The following RNASEL variants were observed in gnomAD, a reference collection of about 807,000 sequenced individuals.
The protein encoded by RNASEL is ribonuclease L.
RNASEL carries 36 observed loss-of-function variants against 50.9 expected under a neutral mutation model. The ratio of observed to expected loss-of-function variants is 0.71; its 90% confidence interval spans 0.54 to 0.93. RNASEL has a LOEUF of 0.93. Ranked by LOEUF, RNASEL falls within the 40% of genes least tolerant of loss-of-function variation. The pLI, the probability that RNASEL is intolerant of heterozygous loss-of-function variation, is 0.00. For synonymous variants in RNASEL, 335 were observed against 335.6 expected (o/e 1.00, Z 0.02); for missense variants, 860 against 894.5 (o/e 0.96, Z 0.49).
Position 182,586,286 on chromosome 1 carries a change from TC to T in RNASEL, c.520del (p.Asp174ThrfsTer8). On this transcript the variant is annotated frameshift_variant, in exon 2 of 7. Transcript: ENST00000367559. LOFTEE classifies it high-confidence loss of function. ...CTCTACGTGTCCTTTTTCAGCAGCG[TC>T]CATGAGAGCTGTGGCCCCTCCTTTC... ...LRKGGATALM[D>X]AAEKGHVEVL... The T allele has an allele frequency of 6.2e-7, 1 of 1,614,182 alleles. No individual in the cohort carries two copies. Among genetic ancestry groups the T allele is most frequent in the Non-Finnish European group, 8.5e-7 (1 of 1,180,024 alleles).
chr1:182,576,685 A>G (rs1571262716), intron 5 of RNASEL: 2 of 240,200 alleles, frequency 8.3e-6, no homozygotes, highest in Non-Finnish European at 1.6e-5. Context: ...TGGCCAACAC[A>G]GTGAAACCTC....
intron 5 of RNASEL, chr1:182,576,652 A>G: frequency 3.0e-6 from 1 of 335,952 alleles, no homozygotes; most frequent in East Asian, 6.4e-5. Context: ...GGATCACCTG[A>G]GGTCAGGAGA....
rs758238488 is a variant in RNASEL, at chr1:182,576,373, A to T, written c.1922T>A (p.Met641Lys). ...KWTTKINECV[M>K]KKMNKFYEKR... ...TTCATAAAACTTATTCATTTTTTTC[A>T]TAACACATTCATTAATCTAAAAAAA... The change falls in exon 6 of 7, where the codon ATG becomes AAG. Residue 641 changes from methionine (M) to lysine (K), a missense_variant. Met to Lys is a moderately conservative substitution (Grantham distance 95). Coordinates refer to ENST00000367559, the MANE Select transcript of RNASEL (RefSeq NM_021133.4). 1 of 1,582,136 alleles carries T rather than the reference A, an allele frequency of 6.3e-7. No individual in the cohort carries two copies. Among genetic ancestry groups the T allele is most frequent in the Non-Finnish European group, 8.7e-7 (1 of 1,153,022 alleles).
rs748580332 is a variant in RNASEL at position 182,586,082 on chromosome 1, G to C, written c.725C>G (p.Pro242Arg). 1 of 1,614,064 alleles carries C rather than the reference G, an allele frequency of 6.2e-7. No individual in the cohort carries two copies. The highest frequency in any genetic ancestry group is 1.1e-5 in the South Asian group (1 of 91,078). ...CTTCTTCTCCACTGCCAGGATCAGG[G>C]GAGTCTTCCCTCTTTCTCCCCTCAC... ...VNVRGERGKT[P>R]LILAVEKKHL... Residue 242 changes from proline to arginine, a missense_variant, in exon 2 of 7, where the codon CCC becomes CGC. Transcript: ENST00000367559.
At chr1:182,577,419 C>T (rs1357879129) in intron 5 of RNASEL, among the ~76,000 whole-genome samples, 3 of 152,232 alleles carry the variant, frequency 2.0e-5, no homozygotes, top group African/African-American at 4.8e-5. Flanking sequence ...GATTACATGT[C>T]TTTCTTTAAA....
Position 182,586,224 on chromosome 1 carries a change from C to T in RNASEL, c.583G>A (p.Val195Ile), listed in dbSNP as rs146781980. Residue 195 changes from valine to isoleucine, a missense_variant, in exon 2 of 7, where the codon GTA becomes ATA. Transcript: ENST00000367559. ...KILLDEMGAD[V>I]NACDNMGRNA... The stretch of plus-strand genomic sequence containing the variant: ...CTGCCCATATTGTCACAGGCGTTTA[C>T]ATCTGCCCCCATCTCATCAAGGAGA... The T allele has an allele frequency of 4.3e-6, 7 of 1,614,090 alleles. No homozygotes were observed. In the African/African-American group the frequency reaches 8.0e-5, roughly 18 times the overall value.
chr1:182,578,187 CA>C (rs1371635073), intron 5 of RNASEL: 1 of 152,044 alleles, frequency 6.6e-6, no homozygotes, highest in Non-Finnish European at 1.5e-5. Flanking sequence ...ACAGAGTGAA[CA>C]AACAACCTGC....
rs2102371405 is a variant in RNASEL at position 182,586,182 on chromosome 1, C to A, written c.625G>T (p.Ala209Ser). Reference sequence around the variant, plus strand: ...TCACTATCGTCAGAGCTCAGGAGAGCATGGATCAAGGCATTTCTGCCCATA... The same window carrying A: ...TCACTATCGTCAGAGCTCAGGAGAGAATGGATCAAGGCATTTCTGCCCATA... ...DNMGRNALIHALLSSDDSDVE... is the reference protein window; with the variant it reads ...DNMGRNALIHSLLSSDDSDVE... Residue 209 changes from alanine to serine, a missense_variant, in exon 2 of 7, where the codon GCT becomes TCT. Transcript: ENST00000367559. The A allele has an allele frequency of 1.2e-6, 2 of 1,614,200 alleles. No homozygotes were observed. The highest frequency in any genetic ancestry group is 1.7e-5 in the Admixed American group (1 of 60,028).
rs141618463 is a variant in RNASEL, at chr1:182,579,355, T to A, written c.1905+1870A>T. The A allele has an allele frequency of 9.0e-4, 891 of 989,800 alleles. 5 individuals carry two copies. The African/African-American group carries it at 0.015, about 16-fold the overall frequency. 61.3% of individuals were successfully genotyped at this position (989,800 alleles called of 1,614,324 possible). On this transcript the variant is annotated intron_variant, in intron 5 of 6. Coordinates refer to ENST00000367559, the MANE Select transcript of RNASEL (RefSeq NM_021133.4). ...GATACAGAGCCATAGATGGCTCTCATATTTAGAAAGAGTTTGGGCTACGAG... is the reference window on the plus strand; with the variant it reads ...GATACAGAGCCATAGATGGCTCTCAAATTTAGAAAGAGTTTGGGCTACGAG...
chr1:182,579,126 T>A, intron 5 of RNASEL: 1 of 429,744 alleles, frequency 2.3e-6, no homozygotes. Context: ...ATGGGTACAA[T>A]GTGCGTTATT....
At chr1:182,587,162 C>T (rs1254976542) in intron 1 of RNASEL, among the ~76,000 whole-genome samples, 192 bp from the exon 2 acceptor site, 1 of 151,974 alleles carries the variant, frequency 6.6e-6, no homozygotes. Context: ...TGCCCAGAAA[C>T]AGCCAATGTT....
chr1:182,588,981 G>T (rs767697656), intron 1 of RNASEL, among the ~76,000 whole-genome samples, 186 bp downstream of exon 1: 1 of 152,192 alleles, frequency 6.6e-6, no homozygotes, highest in Non-Finnish European at 1.5e-5. Context: ...GATAAATGAC[G>T]TGTGGACTCT....
rs1011639686 is a variant in RNASEL at position 182,581,473 on chromosome 1, C to CTTTTTTTTTTTTTTTTTTTTTT, written c.1773-138_1773-117dup. On this transcript the variant is annotated intron_variant, in intron 4 of 6. Coordinates refer to ENST00000367559, the MANE Select transcript of RNASEL (RefSeq NM_021133.4). Reference sequence around the variant, plus strand: ...TTTTGTGCTTTCTTGGTTTTTCTTTCTTTTTTTTTTTTTTTTTTTTTTTTT... The same window carrying CTTTTTTTTTTTTTTTTTTTTTT: ...TTTTGTGCTTTCTTGGTTTTTCTTTCTTTTTTTTTTTTTTTTTTTTTTTTTTTTTTTTTTTTTTTTTTTTTTT... 3 of 294,826 alleles carry CTTTTTTTTTTTTTTTTTTTTTT rather than the reference C, an allele frequency of 1.0e-5. 1 individual carries two copies. Among genetic ancestry groups the CTTTTTTTTTTTTTTTTTTTTTT allele is most frequent in the South Asian group, 2.6e-5 (1 of 38,542 alleles). 18.3% of individuals were successfully genotyped at this position (294,826 alleles called of 1,614,324 possible). A position where few individuals can be genotyped will look rare whatever the true frequency, so the allele number is the denominator to read the frequency against.
At chr1:182,583,368 A>C (rs1571267809) in intron 3 of RNASEL, among the ~76,000 whole-genome samples, 1 of 152,306 alleles carries the variant, frequency 6.6e-6, no homozygotes, top group Admixed American at 6.5e-5. Context: ...CCTACAGGGG[A>C]GTCAGGACAG....
chr1:182,576,244 A>G lies in RNASEL; in HGVS notation c.2039+12T>C, dbSNP rs1171405332. On this transcript the variant is annotated intron_variant, in intron 6 of 6. Transcript: ENST00000367559. ...TTCACATATAATTTGTAGGAATGAA[A>G]ACAATACTTACTTTTTATGCTTTTC... 4 of 1,608,582 alleles carry G rather than the reference A, an allele frequency of 2.5e-6. No individual in the cohort carries two copies. The highest frequency in any genetic ancestry group is 3.4e-6 in the Non-Finnish European group (4 of 1,176,866).
Position 182,585,931 on chromosome 1 carries a change from C to T in RNASEL, c.876G>A (p.Leu292=), listed in dbSNP as rs757514124. The T allele has an allele frequency of 9.3e-6, 15 of 1,614,198 alleles. No individual in the cohort carries two copies. The highest frequency in any genetic ancestry group is 1.2e-5 in the Non-Finnish European group (14 of 1,180,020). Residue 292 remains leucine, a synonymous_variant, in exon 2 of 7, where the codon CTG becomes CTA. Transcript: ENST00000367559. ...ELKLKKIAEL[L]CKRGASTDCG... ...AATCTGTACTGGCTCCACGTTTGCA[C>T]AGCAACTCGGCGATTTTCTTCAGTT...
chr1:182,579,667 T>G, intron 5 of RNASEL: 1 of 1,144,552 alleles, frequency 8.7e-7, no homozygotes, highest in Non-Finnish European at 1.1e-6. Context: ...AATTAAAAGG[T>G]AAAACTTGAA....
At chr1:182,577,254 C>T (rs1424781321) in intron 5 of RNASEL, among the ~76,000 whole-genome samples, 2 of 152,000 alleles carry the variant, frequency 1.3e-5, no homozygotes, top group Non-Finnish European at 2.9e-5. Context: ...TAAGTATGTT[C>T]AAATGTGTGT....
At position 182,575,358 on chromosome 1, in the gene RNASEL, TAAG is replaced by T. The variant is rs763393286; in HGVS notation, c.*31_*33del. ...GATTTGCCAAGGACTCTACAGCTAA[TAAG>T]TAGTTCCCTGAACTCCAGCAAATCA... is the stretch of plus-strand genomic sequence containing the variant. On this transcript the variant is annotated 3_prime_UTR_variant, in exon 7 of 7. Coordinates refer to ENST00000367559, the MANE Select transcript of RNASEL (RefSeq NM_021133.4). The T allele has an allele frequency of 3.9e-5, 62 of 1,605,626 alleles. No individual in the cohort carries two copies. The highest frequency in any genetic ancestry group is 8.5e-7 in the Non-Finnish European group (1 of 1,173,100).
Sources: gnomAD v4.1 joint callset for allele counts (sites outside exome capture counted in the v4.1 genomes callset) on GRCh38, gnomAD v4.1.1 for gene constraint, MANE v1.5 for transcripts, NCBI Gene and HGNC (gene_info 2026-07-23, HGNC 2026-07-21) for gene names.